RPL12: variants seen among roughly 807,000 people sequenced by gnomAD.
RPL12 encodes ribosomal protein L12.
In RPL12, 10 loss-of-function variants were observed where a neutral mutation model predicts 24.5. The observed-to-expected ratio is 0.41, with a 90% CI of 0.25 to 0.69. RPL12 has a LOEUF of 0.69. Among genes scored for constraint, RPL12 ranks in the 30% least tolerant of loss-of-function variants. RPL12 has a pLI of 0.33. For synonymous variants in RPL12, 74 were observed against 76.1 expected (o/e 0.97, Z 0.14); for missense variants, 137 against 205.3 (o/e 0.67, Z 2.03).
chr9:127,447,900 T>C lies in RPL12; in HGVS notation c.469A>G (p.Ser157Gly), dbSNP rs1373005565. 1 of 1,613,548 alleles carries C rather than the reference T, an allele frequency of 6.2e-7. No homozygotes were observed. The highest frequency in any genetic ancestry group is 1.3e-5 in the African/African-American group (1 of 74,900). The change falls in exon 6 of 7, where the codon AGT (serine) becomes GGT (glycine). Residue 157 changes from serine (S) to glycine (G), a missense_variant. Physicochemically the swap from Ser to Gly is moderately conservative, Grantham distance 56. Around this residue, in one of 3 missense-constraint regions of RPL12, gnomAD observed 118 missense variants for 160.7 expected, o/e 0.73. Transcript: ENST00000361436. ...HPHDIIDDINSGAVECPAS is the reference protein window; with the variant it reads ...HPHDIIDDINGGAVECPAS ...ACGGCTGGGCATTCCACAGCACCAC[T>C]GTTGATGTCATCGATGATGTCATGA... is the stretch of plus-strand genomic sequence containing the variant.
intron 4 of RPL12, chr9:127,448,714 G>A: frequency 1.7e-6 from 1 of 597,744 alleles, no homozygotes; most frequent in Non-Finnish European, 3.2e-6. Flanking sequence ...TTGCCAGGGA[G>A]TTAAACTGCC....
chr9:127,451,142 C>T, intron 1 of RPL12, 139 bp downstream of exon 1: 1 of 1,191,360 alleles, frequency 8.4e-7, no homozygotes, highest in Non-Finnish European at 1.2e-6. Context: ...AAGGCTGAGG[C>T]TTGGCCGGGG....
In RPL12 at chr9:127,447,871, A is replaced by G. The variant is rs1834199702; in HGVS notation, c.492+6T>C. The G allele has an allele frequency of 6.2e-7, 1 of 1,611,028 alleles. No individual in the cohort carries two copies. The highest frequency in any genetic ancestry group is 8.5e-7 in the Non-Finnish European group (1 of 1,178,746). On this transcript the variant is annotated splice_donor_region_variant and intron_variant, in intron 6 of 6. Coordinates refer to ENST00000361436, the MANE Select transcript of RPL12 (RefSeq NM_000976.4). Reference sequence around the variant, plus strand: ...CCCCTACTGTAACAATGAAAATGTCACTTACGGCTGGGCATTCCACAGCAC... The same window carrying G: ...CCCCTACTGTAACAATGAAAATGTCGCTTACGGCTGGGCATTCCACAGCAC...
At chr9:127,447,775 C>T (rs753715564) in intron 6 of RPL12, 49 bp from the exon 7 acceptor site, 1 of 1,613,286 alleles carries the variant, frequency 6.2e-7, no homozygotes. Context: ...AGGATTATCC[C>T]ACCCCACCAG....
chr9:127,451,251 C>T, intron 1 of RPL12, 30 bp downstream of exon 1: 2 of 1,610,600 alleles, frequency 1.2e-6, no homozygotes, highest in Non-Finnish European at 1.7e-6. Context: ...TGCTCCATCC[C>T]GCAGCCCCGG....
chr9:127,449,126 G>A, intron 4 of RPL12, 155 bp downstream of exon 4: 1 of 601,580 alleles, frequency 1.7e-6, no homozygotes, highest in Non-Finnish European at 3.0e-6. Context: ...AGCATACGTG[G>A]CACTTTTTCA....
At chr9:127,451,135 G>A (rs1227527233) in intron 1 of RPL12, 146 bp downstream of exon 1, 2 of 1,119,260 alleles carry the variant, frequency 1.8e-6, no homozygotes, top group African/African-American at 1.6e-5. Flanking sequence ...GCCCAGAAAG[G>A]CTGAGGCTTG....
intron 1 of RPL12, 36 bp downstream of exon 1, chr9:127,451,245 C>T (rs756461973): frequency 1.9e-5 from 31 of 1,609,156 alleles, no homozygotes; most frequent in Non-Finnish European, 2.6e-5. Context: ...GAGGGATGCT[C>T]CATCCCGCAG....
At chr9:127,449,547 A>T in intron 3 of RPL12, 63 bp downstream of exon 3, 1 of 1,471,362 alleles carries the variant, frequency 6.8e-7, no homozygotes, top group Non-Finnish European at 9.5e-7. Context: ...CTCTTCAGGA[A>T]TCCCAGAGGG....
At chr9:127,448,529 C>T (rs1588083355) in intron 4 of RPL12, 106 bp from the exon 5 acceptor site, 3 of 822,982 alleles carry the variant, frequency 3.6e-6, no homozygotes, top group African/African-American at 3.3e-5. Flanking sequence ...GGCACAGAGT[C>T]ATCCACATGA....
At position 127,449,336 on chromosome 9, in the gene RPL12, G is replaced by A. The variant is rs1220588337; in HGVS notation, c.237C>T (p.Ala79=). The A allele has an allele frequency of 6.2e-7, 1 of 1,609,888 alleles. No individual in the cohort carries two copies. Among genetic ancestry groups the A allele is most frequent in the Admixed American group, 1.7e-5 (1 of 59,956 alleles). The change falls in exon 4 of 7, where the codon GCC becomes GCT. Residue 79 remains alanine (A), a synonymous_variant. Coordinates refer to ENST00000361436, the MANE Select transcript of RPL12 (RefSeq NM_000976.4). The part of the protein sequence containing the change: ...AQIEVVPSAS[A]LIIKALKEPP... ...GTTCCTTGAGGGCTTTGATGATCAGGGCAGAGGCAGAAGGCACCACCTCAA... is the reference window on the plus strand; with the variant it reads ...GTTCCTTGAGGGCTTTGATGATCAGAGCAGAGGCAGAAGGCACCACCTCAA...
In RPL12 at chr9:127,449,637, T is replaced by C; in HGVS notation, c.183A>G (p.Lys61=). 1 of 1,614,114 alleles carries C rather than the reference T, an allele frequency of 6.2e-7. No individual in the cohort carries two copies. The stretch of plus-strand genomic sequence containing the variant: ...GGGCCTGTCTGTTCTGAATGGTCAG[T>C]TTCACTGTAATCCTCAGGCCCTTCC... ...GDWKGLRITV[K]LTIQNRQAQI... The change falls in exon 3 of 7, where the codon AAA becomes AAG. Residue 61 remains lysine (K), a synonymous_variant. Coordinates refer to ENST00000361436, the MANE Select transcript of RPL12 (RefSeq NM_000976.4).
Position 127,449,339 on chromosome 9 carries a change from A to G in RPL12, c.234T>C (p.Ser78=), listed in dbSNP as rs143520983. The change falls in exon 4 of 7, where the codon TCT becomes TCC. Residue 78 remains serine (S), a synonymous_variant. Transcript: ENST00000361436. ...QAQIEVVPSA[S]ALIIKALKEP... ...CCTTGAGGGCTTTGATGATCAGGGC[A>G]GAGGCAGAAGGCACCACCTCAATCT... 16 of 1,609,990 alleles carry G rather than the reference A, an allele frequency of 9.9e-6. No homozygotes were observed. The African/African-American group carries it at 1.9e-4, about 19-fold the overall frequency.
In RPL12 at chr9:127,450,730, C is replaced by T. The variant is rs1456138283; in HGVS notation, c.111+1G>A. On this transcript the variant is annotated splice_donor_variant, in intron 2 of 6. Transcript: ENST00000361436. LOFTEE classifies it high-confidence loss of function. The stretch of plus-strand genomic sequence containing the variant: ...AATGCCCCTTGGAGGGGATAACGTA[C>T]CAGACCCAGGGGGCCGATCTTGGGG... The T allele has an allele frequency of 1.3e-6, 2 of 1,578,498 alleles. No individual in the cohort carries two copies. Among genetic ancestry groups the T allele is most frequent in the Non-Finnish European group, 8.6e-7 (1 of 1,163,710 alleles).
intron 6 of RPL12, 29 bp from the exon 7 acceptor site, chr9:127,447,755 A>T: frequency 6.2e-7 from 1 of 1,613,530 alleles, no homozygotes; most frequent in Non-Finnish European, 8.5e-7. Context: ...AAATCAGTAA[A>T]AAGTTTAAAA....
intron 4 of RPL12, among the ~76,000 whole-genome samples, chr9:127,448,832 CTT>C (rs368058964): frequency 4.0e-4 from 57 of 143,648 alleles, no homozygotes; most frequent in South Asian, 2.6e-3. Flanking sequence ...CTACATGGCA[CTT>C]TTTTTTTTTT....
At chr9:127,448,681 T>G (rs781218704) in intron 4 of RPL12, 1 of 692,706 alleles carries the variant, frequency 1.4e-6, no homozygotes, top group Admixed American at 1.8e-5. Context: ...CAGAAACTGT[T>G]TTAGAGAAAT....
At chr9:127,450,912 G>A (rs2131977436) in intron 1 of RPL12, 108 bp from the exon 2 acceptor site, 1 of 882,196 alleles carries the variant, frequency 1.1e-6, no homozygotes, top group Non-Finnish European at 1.8e-6. Context: ...TCTCGAAACA[G>A]CACAGAGCGC....
At position 127,450,799 on chromosome 9, in the gene RPL12, G is replaced by C. The variant is rs752782181; in HGVS notation, c.43C>G (p.Leu15Val). The change falls in exon 2 of 7, where the codon CTG (leucine) becomes GTG (valine). Residue 15 changes from leucine (L) to valine (V), a missense_variant. Around this residue, in one of 3 missense-constraint regions of RPL12, gnomAD observed 18 missense variants for 27.1 expected, o/e 0.67. Transcript: ENST00000361436. Reference sequence around the variant, plus strand: ...CCGACTTCACCTCCGGTGCACCTCAGGTATACTGGGGGAAAAGAAGAGTTA... The same window carrying C: ...CCGACTTCACCTCCGGTGCACCTCACGTATACTGGGGGAAAAGAAGAGTTA... ...FDPNEIKVVYLRCTGGEVGAT... is the reference protein window; with the variant it reads ...FDPNEIKVVYVRCTGGEVGAT... 4 of 1,566,250 alleles carry C rather than the reference G, an allele frequency of 2.6e-6. No homozygotes were observed. Among genetic ancestry groups the C allele is most frequent in the Non-Finnish European group, 3.5e-6 (4 of 1,157,654 alleles).
Sources: allele counts gnomAD v4.1 joint callset (sites outside exome capture counted in the v4.1 genomes callset), GRCh38; gene constraint gnomAD v4.1.1; regional missense constraint gnomAD v4.1.1; transcripts MANE v1.5; gene names NCBI Gene and HGNC (gene_info 2026-07-23, HGNC 2026-07-21).